Variants in GFRA2 observed in about 807,000 individuals in gnomAD.
GFRA2 encodes the protein GDNF family receptor alpha 2, also known as GDNF family receptor alpha-2.
A neutral mutation model predicts 48.3 loss-of-function variants in GFRA2; 17 were observed. The ratio of observed to expected loss-of-function variants is 0.35; its 90% confidence interval spans 0.24 to 0.53. The LOEUF is 0.53. GFRA2 is among the 20% of genes least tolerant of loss of function. GFRA2 has a pLI of 0.93. For missense variants in GFRA2, 660 were observed against 637.3 expected (o/e 1.04, Z -0.38); for synonymous variants, 305 against 257.2 (o/e 1.19, Z -1.78).
intron 4 of GFRA2, among the ~76,000 whole-genome samples, chr8:21,719,664 T>C (rs761312140): frequency 6.6e-6 from 1 of 152,222 alleles, no homozygotes; most frequent in Non-Finnish European, 1.5e-5. Context: ...TGGTTAGCCT[T>C]GAGCTAGGTA....
intron 3 of GFRA2, among the ~76,000 whole-genome samples, chr8:21,757,178 G>A (rs927592316): frequency 1.3e-5 from 2 of 152,114 alleles, no homozygotes; most frequent in Admixed American, 6.5e-5. Flanking sequence ...CAGGACAGCT[G>A]AGGAATGCAC....
chr8:21,695,895 C>T (rs1202552670), intron 7 of GFRA2, among the ~76,000 whole-genome samples: 2 of 152,156 alleles, frequency 1.3e-5, no homozygotes, highest in African/African-American at 2.4e-5. Flanking sequence ...GAGTCTGTGC[C>T]TGTGGCCTGA....
At chr8:21,754,926 C>T (rs1270670382) in intron 3 of GFRA2, among the ~76,000 whole-genome samples, 6 of 152,152 alleles carry the variant, frequency 3.9e-5, no homozygotes, top group Middle Eastern at 6.8e-3. Context: ...AGGAAATGAG[C>T]TATCAAATCA....
At chr8:21,793,479 A>G (rs1337114082), upstream of GFRA2, among the ~76,000 whole-genome samples, 1 of 152,180 alleles carries the variant, frequency 6.6e-6, no homozygotes, top group Non-Finnish European at 1.5e-5. Context: ...TGACCAGCCT[A>G]GCGGCTCAGC....
intron 3 of GFRA2, among the ~76,000 whole-genome samples, chr8:21,768,736 C>T (rs961704843): frequency 2.6e-5 from 4 of 152,130 alleles, no homozygotes; most frequent in African/African-American, 9.7e-5. Context: ...TCTCTCCCCA[C>T]ACCAAGGACA....
chr8:21,715,293 G>A (rs906021223), intron 4 of GFRA2, among the ~76,000 whole-genome samples: 5 of 152,162 alleles, frequency 3.3e-5, no homozygotes, highest in African/African-American at 1.2e-4. Flanking sequence ...CGTTGGGCCA[G>A]ATAGTTTTGT....
At position 21,721,711 on chromosome 8, in the gene GFRA2, A is replaced by G. The variant is rs147642252; in HGVS notation, c.795-15670T>C. Among the ~76,000 whole-genome samples, 717 of 152,232 alleles carry G rather than the reference A, an allele frequency of 4.7e-3. 8 individuals are homozygous for G. The highest frequency in any genetic ancestry group is 0.016 in the African/African-American group (659 of 41,538). Reference sequence around the variant, plus strand: ...AAAAAGGCAGTCCAATTGCACCCAAATCCTCTTCAGCTTTCAGCACAGGAC... The same window carrying G: ...AAAAAGGCAGTCCAATTGCACCCAAGTCCTCTTCAGCTTTCAGCACAGGAC... On this transcript the variant is annotated intron_variant, in intron 4 of 8. Transcript: ENST00000524240.
intron 4 of GFRA2, among the ~76,000 whole-genome samples, chr8:21,733,261 C>T (rs1804288599): frequency 6.6e-6 from 1 of 152,138 alleles, no homozygotes; most frequent in Non-Finnish European, 1.5e-5. Context: ...ACCCTGCAGG[C>T]ACCGACCTCC....
intron 3 of GFRA2, among the ~76,000 whole-genome samples, chr8:21,765,995 A>C (rs1302391860): frequency 6.6e-6 from 1 of 152,058 alleles, no homozygotes; most frequent in African/African-American, 2.4e-5. Context: ...GCCCAGCCCC[A>C]TGATCCATCC....
chr8:21,734,407 G>C (rs1030957696), intron 4 of GFRA2, among the ~76,000 whole-genome samples: 1 of 152,258 alleles, frequency 6.6e-6, no homozygotes, highest in Non-Finnish European at 1.5e-5. Flanking sequence ...GCTGGAAGCA[G>C]ACCAGGTCTG....
intron 4 of GFRA2, among the ~76,000 whole-genome samples, chr8:21,719,040 G>A (rs1185922723): frequency 6.6e-6 from 1 of 152,068 alleles, no homozygotes; most frequent in Non-Finnish European, 1.5e-5. Context: ...ATCCAGCCTG[G>A]AGCTCACCCA....
At chr8:21,701,302 G>A (rs1198462581) in intron 7 of GFRA2, among the ~76,000 whole-genome samples, 1 of 152,244 alleles carries the variant, frequency 6.6e-6, no homozygotes, top group Non-Finnish European at 1.5e-5. Flanking sequence ...GCTGAGGCAG[G>A]AGAATGGCGT....
At chr8:21,809,117 G>A (rs980238633) in intron 1 of GFRA2, among the ~76,000 whole-genome samples, 1 of 152,204 alleles carries the variant, frequency 6.6e-6, no homozygotes, top group Non-Finnish European at 1.5e-5. Flanking sequence ...GAGAGGCCAA[G>A]TGTCAGCCCA....
intron 2 of GFRA2, among the ~76,000 whole-genome samples, chr8:21,803,743 C>T (rs1039176277): frequency 6.6e-6 from 1 of 152,160 alleles, no homozygotes; most frequent in Non-Finnish European, 1.5e-5. Flanking sequence ...AATGATCCTC[C>T]CACTTCAGCC....
intron 4 of GFRA2, among the ~76,000 whole-genome samples, chr8:21,745,511 T>C (rs1804961892): frequency 6.6e-6 from 1 of 152,238 alleles, no homozygotes; most frequent in African/African-American, 2.4e-5. Context: ...TTGGGGGTTC[T>C]GCAATTCCTG....
At chr8:21,762,881 G>A (rs1408170498) in intron 3 of GFRA2, among the ~76,000 whole-genome samples, 1 of 152,074 alleles carries the variant, frequency 6.6e-6, no homozygotes, top group Non-Finnish European at 1.5e-5. Context: ...GATGAGTTGG[G>A]TTTAATTTTG....
intron 4 of GFRA2, among the ~76,000 whole-genome samples, chr8:21,727,858 G>T (rs573622905): frequency 6.6e-6 from 1 of 152,150 alleles, no homozygotes; most frequent in African/African-American, 2.4e-5. Flanking sequence ...ATAAACAAAC[G>T]GGGGTTATTT....
intron 6 of GFRA2, among the ~76,000 whole-genome samples, chr8:21,704,096 T>C (rs74840591): frequency 2.9e-4 from 44 of 152,336 alleles, no homozygotes; most frequent in African/African-American, 1.0e-3. Flanking sequence ...TCATCTTCAG[T>C]GCTATGTAGC....
At chr8:21,736,457 T>C (rs1376359636) in intron 4 of GFRA2, among the ~76,000 whole-genome samples, 1 of 152,264 alleles carries the variant, frequency 6.6e-6, no homozygotes, top group African/African-American at 2.4e-5. Flanking sequence ...TTGAAGATAA[T>C]TTCTAGTTTC....
Sources: allele counts gnomAD v4.1 joint callset (sites outside exome capture counted in the v4.1 genomes callset), GRCh38; gene constraint gnomAD v4.1.1; transcripts MANE v1.5; gene names NCBI Gene and HGNC (gene_info 2026-07-23, HGNC 2026-07-21).